The following DLGAP4 variants were observed in gnomAD, a reference collection of about 807,000 sequenced individuals.
DLGAP4 encodes the protein disks large-associated protein 4.
Under a neutral mutation model 86.9 loss-of-function variants are expected in DLGAP4, and 18 were observed. The observed-to-expected ratio is 0.21, with a 90% CI of 0.14 to 0.31. The LOEUF (loss-of-function observed/expected upper bound fraction) is 0.31, where lower values mean the gene tolerates loss of function less well. Among genes scored for constraint, DLGAP4 ranks in the 10% least tolerant of loss-of-function variants. The pLI is 1.00. For missense variants in DLGAP4, 1,085 were observed against 1,362.6 expected, an observed-to-expected ratio of 0.80 and a Z score of 3.21; for synonymous variants, 548 against 574.3, an observed-to-expected ratio of 0.95 and a Z score of 0.65.
intron 7 of DLGAP4, among the ~76,000 whole-genome samples, chr20:36,466,329 C>T (rs1022453471): frequency 6.6e-6 from 1 of 152,162 alleles, no homozygotes; most frequent in Non-Finnish European, 1.5e-5. Flanking sequence ...TAGTAACAGC[C>T]CCTCAATAAA....
At chr20:36,506,719 GCATTAAATTCACAC>G (rs2036393891) in intron 10 of DLGAP4, among the ~76,000 whole-genome samples, 1 of 152,104 alleles carries the variant, frequency 6.6e-6, no homozygotes, top group Non-Finnish European at 1.5e-5. Flanking sequence ...ACAGTCTGTG[GCATTAAATTCACAC>G]TGTTGTATAA....
At chr20:36,483,184 A>G (rs150376861) in intron 7 of DLGAP4, among the ~76,000 whole-genome samples, 2 of 152,314 alleles carry the variant, frequency 1.3e-5, no homozygotes, top group East Asian at 1.9e-4. Context: ...GCAGATTCCA[A>G]TACATAATGG....
intron 8 of DLGAP4, chr20:36,498,439 C>T (rs113064423): frequency 0.012 from 1,850 of 152,374 alleles, 45 homozygotes; most frequent in African/African-American, 0.042. Context: ...TCTTATCTTC[C>T]CGGAAAGCCT....
chr20:36,368,013 A>G (rs1321041459), intron 2 of DLGAP4, among the ~76,000 whole-genome samples: 1 of 152,232 alleles, frequency 6.6e-6, no homozygotes, highest in Non-Finnish European at 1.5e-5. Flanking sequence ...CCACTGGGGT[A>G]AAATCTGCCT....
At chr20:36,430,955 TA>T (rs5841234) in intron 2 of DLGAP4, among the ~76,000 whole-genome samples, 81,952 of 119,598 alleles carry the variant, frequency 0.69, 28,014 homozygotes, top group Non-Finnish European at 0.78. Context: ...ACTCTGTCTC[TA>T]AAAAAAAAAA....
In DLGAP4 at chr20:36,321,436, T is replaced by C. The variant is rs1052167636; in HGVS notation, c.-304+14924T>C. ...CCAGCAAGGCAGTGGCCAGGTCTGATGTGAGCATAGCTGGGGCAGCTGGTC... is the reference window on the plus strand; with the variant it reads ...CCAGCAAGGCAGTGGCCAGGTCTGACGTGAGCATAGCTGGGGCAGCTGGTC... On this transcript the variant is annotated intron_variant, in intron 1 of 12. Coordinates refer to ENST00000339266, the MANE Select transcript of DLGAP4 (RefSeq NM_001365621.2). Among the ~76,000 whole-genome samples the C allele has an allele frequency of 2.0e-5, 3 of 152,226 alleles. No individual in the cohort carries two copies. In the East Asian group the frequency reaches 5.8e-4, roughly 29 times the overall value.
At chr20:36,416,469 C>T in intron 2 of DLGAP4, among the ~76,000 whole-genome samples, 1 of 152,188 alleles carries the variant, frequency 6.6e-6, no homozygotes, top group East Asian at 1.9e-4. Flanking sequence ...ATCGGGGACT[C>T]CAGGACAGTT....
At chr20:36,373,904 G>C (rs541962641) in intron 2 of DLGAP4, among the ~76,000 whole-genome samples, 1 of 152,110 alleles carries the variant, frequency 6.6e-6, no homozygotes, top group African/African-American at 2.4e-5. Context: ...CAGTGTGGTG[G>C]CCAGCGCCTG....
chr20:36,506,351 C>A (rs1363663180), intron 10 of DLGAP4, among the ~76,000 whole-genome samples: 3 of 152,216 alleles, frequency 2.0e-5, no homozygotes, highest in Non-Finnish European at 2.9e-5. Flanking sequence ...ATTGGTATTA[C>A]CTTCCTGTCT....
In DLGAP4 at chr20:36,431,112, C is replaced by T. The variant is rs1427743594; in HGVS notation, c.-72-534C>T. Reference sequence around the variant, plus strand: ...TACTGGGCACCCTGGGATTCCCTGCCCAAATGACCCACGCCTGCCTCCAGG... The same window carrying T: ...TACTGGGCACCCTGGGATTCCCTGCTCAAATGACCCACGCCTGCCTCCAGG... On this transcript the variant is annotated intron_variant, in intron 2 of 12. Coordinates refer to ENST00000339266, the MANE Select transcript of DLGAP4 (RefSeq NM_001365621.2). This position sits in a 1 kb window ranked among gnomAD's most constrained non-coding sequence, Gnocchi z 5.1. 1.3e-5 allele frequency among the ~76,000 whole-genome samples: 2 copies of T among 149,332 alleles called. No homozygotes were observed. Among genetic ancestry groups the T allele is most frequent in the East Asian group, 4.0e-4 (2 of 5,050 alleles).
intron 2 of DLGAP4, among the ~76,000 whole-genome samples, chr20:36,399,346 C>T (rs780530068): frequency 6.6e-5 from 10 of 152,230 alleles, no homozygotes; most frequent in Admixed American, 2.6e-4. Context: ...CACTTCCACC[C>T]GAAGAGCCTT....
chr20:36,416,108 C>CTTAT (rs1186115442), intron 2 of DLGAP4, among the ~76,000 whole-genome samples: 1 of 152,082 alleles, frequency 6.6e-6, no homozygotes, highest in Non-Finnish European at 1.5e-5. Context: ...TAAGCCATGA[C>CTTAT]TTATTTATTT....
intron 7 of DLGAP4, among the ~76,000 whole-genome samples, chr20:36,470,303 C>T (rs1569510936): frequency 1.3e-5 from 2 of 152,162 alleles, no homozygotes; most frequent in African/African-American, 4.8e-5. Flanking sequence ...TCCTCCACAC[C>T]CCAGAGCCCC....
chr20:36,414,630 G>A (rs374990144), intron 2 of DLGAP4, among the ~76,000 whole-genome samples: 17 of 152,310 alleles, frequency 1.1e-4, no homozygotes, highest in African/African-American at 3.6e-4. Flanking sequence ...AAAGTGGAGC[G>A]TGAGAGAGTT....
chr20:36,377,662 TC>T (rs1600454513), intron 2 of DLGAP4, among the ~76,000 whole-genome samples: 1 of 151,956 alleles, frequency 6.6e-6, no homozygotes, highest in African/African-American at 2.4e-5. Flanking sequence ...TGTCTCCAGC[TC>T]CCCCTTCAAC....
intron 10 of DLGAP4, chr20:36,512,827 A>G (rs902430453): frequency 6.6e-6 from 1 of 150,518 alleles, no homozygotes; most frequent in African/African-American, 2.5e-5. Context: ...GACATGCGCA[A>G]GGCTGAGGGA....
chr20:36,461,905 G>T (rs1600567976), intron 7 of DLGAP4: 2 of 984,622 alleles, frequency 2.0e-6, no homozygotes, highest in Non-Finnish European at 2.4e-6. Flanking sequence ...CCCCATCTCG[G>T]GTCCCCTTCT....
At chr20:36,514,910 TGAG>T (rs1434793406) in intron 10 of DLGAP4, among the ~76,000 whole-genome samples, 36 of 152,146 alleles carry the variant, frequency 2.4e-4, no homozygotes, top group African/African-American at 8.7e-4. Flanking sequence ...AGGCCATGTC[TGAG>T]GAGAGGTGAG....
intron 7 of DLGAP4, among the ~76,000 whole-genome samples, chr20:36,465,627 G>T (rs1184152006): frequency 6.6e-6 from 1 of 152,130 alleles, no homozygotes; most frequent in Non-Finnish European, 1.5e-5. Flanking sequence ...CTATCTGGAG[G>T]CTGGGTGGGG....
Sources: allele counts gnomAD v4.1 joint callset (sites outside exome capture counted in the v4.1 genomes callset), GRCh38; gene constraint gnomAD v4.1.1; non-coding constraint Gnocchi (gnomAD v3.1); transcripts MANE v1.5; gene names NCBI Gene and HGNC (gene_info 2026-07-23, HGNC 2026-07-21).